The following IARS2 variants were observed in gnomAD, a reference collection of about 807,000 sequenced individuals.
IARS2 encodes the protein isoleucyl-tRNA synthetase 2, mitochondrial, also known as isoleucine--tRNA ligase, mitochondrial.
In IARS2, 56 loss-of-function variants were observed where a neutral mutation model predicts 126.3. The observed-to-expected ratio is 0.44, with a 90% CI of 0.36 to 0.55. The LOEUF (loss-of-function observed/expected upper bound fraction) is 0.55, where lower values mean the gene tolerates loss of function less well. Among genes scored for constraint, IARS2 ranks in the 20% least tolerant of loss-of-function variants. The pLI, the probability that IARS2 is intolerant of heterozygous loss-of-function variation, is 0.00. For missense variants in IARS2, 1,127 were observed against 1,245.9 expected (o/e 0.90, Z 1.44); for synonymous variants, 407 against 441.1 (o/e 0.92, Z 0.97).
At chr1:220,109,738 G>C (rs1656758845) in intron 10 of IARS2, among the ~76,000 whole-genome samples, 1 of 152,130 alleles carries the variant, frequency 6.6e-6, no homozygotes, top group Non-Finnish European at 1.5e-5. Context: ...GATTACATCT[G>C]CAGAGGCCTG....
intron 12 of IARS2, among the ~76,000 whole-genome samples, chr1:220,122,257 G>C (rs1054358103): frequency 2.0e-5 from 3 of 152,174 alleles, no homozygotes; most frequent in African/African-American, 4.8e-5. Context: ...TCAAAAAATA[G>C]TATGATTTAT....
chr1:220,126,434 G>A (rs1307200886), intron 13 of IARS2, among the ~76,000 whole-genome samples: 1 of 152,156 alleles, frequency 6.6e-6, no homozygotes, highest in Non-Finnish European at 1.5e-5. Flanking sequence ...TGGTACATCA[G>A]GCCTTTGTAG....
rs1656549554 is a variant in IARS2, at chr1:220,100,527, A to G, written c.428A>G (p.Asn143Ser). The change falls in exon 3 of 23, where the codon AAT becomes AGT. Residue 143 changes from asparagine to serine, a missense_variant. Coordinates refer to ENST00000366922, the MANE Select transcript of IARS2 (RefSeq NM_018060.4). ...KDIANRFHMM[N>S]GSKIHFVPGW... ...ATAGCCAATCGATTCCATATGATGAATGGCTCCAAAATACATTTTGTGCCC... is the reference window on the plus strand; with the variant it reads ...ATAGCCAATCGATTCCATATGATGAGTGGCTCCAAAATACATTTTGTGCCC... 6.2e-7 allele frequency: 1 copy of G among 1,612,988 alleles called. No homozygotes were observed. Among genetic ancestry groups the G allele is most frequent in the Middle Eastern group, 1.7e-4 (1 of 6,058 alleles).
rs1290150261 is a variant in IARS2 at position 220,103,508 on chromosome 1, G to A, written c.1012G>A (p.Ala338Thr). The A allele has an allele frequency of 6.2e-7, 1 of 1,613,470 alleles. No individual in the cohort carries two copies. Among genetic ancestry groups the A allele is most frequent in the East Asian group, 2.2e-5 (1 of 44,856 alleles). ...CTACGTACTGGCGGCAGATAAAGTA[G>A]CATCTGTTGCTTCTACTTTGGAAAC... ...DLYVLAADKV[A>T]SVASTLETTF... Residue 338 changes from alanine to threonine, a missense_variant, in exon 8 of 23, where the codon GCA (alanine) becomes ACA (threonine). Physicochemically the swap from Ala to Thr is moderately conservative, Grantham distance 58 (BLOSUM62 0). Transcript: ENST00000366922.
rs555821260 is a variant in IARS2, at chr1:220,103,134, G to A, written c.951-313G>A. On this transcript the variant is annotated intron_variant, in intron 7 of 22. Transcript: ENST00000366922. ...TGGCTCACCACAACCTCCACCTCCC[G>A]GGTTCAAGCAATTTTCCTGCCTCAG... Among the ~76,000 whole-genome samples the A allele has an allele frequency of 9.8e-4, 149 of 151,724 alleles. 2 individuals carry two copies. Among genetic ancestry groups the A allele is most frequent in the Middle Eastern group, 3.4e-3 (1 of 294 alleles).
intron 21 of IARS2, chr1:220,144,202 A>G (rs557901999): frequency 1.3e-4 from 104 of 780,702 alleles, no homozygotes; most frequent in Admixed American, 4.7e-4. Flanking sequence ...AGTGATTTCA[A>G]ATTTGCCAAT....
intron 12 of IARS2, among the ~76,000 whole-genome samples, chr1:220,121,416 T>C (rs889531962): frequency 6.6e-6 from 1 of 152,208 alleles, no homozygotes; most frequent in African/African-American, 2.4e-5. Flanking sequence ...TTAAAATGAA[T>C]TTTAGACTAG....
chr1:220,144,261 G>T, intron 21 of IARS2: 1 of 765,532 alleles, frequency 1.3e-6, no homozygotes, highest in African/African-American at 1.7e-5. Context: ...TGACTTTGGA[G>T]CACGGCCTAA....
At chr1:220,131,652 A>G (rs1022410872) in intron 14 of IARS2, among the ~76,000 whole-genome samples, 7 of 151,818 alleles carry the variant, frequency 4.6e-5, no homozygotes, top group Non-Finnish European at 7.4e-5. Flanking sequence ...CTGCCCAGCA[A>G]TTTTTATATT....
chr1:220,105,133 T>C (rs1656652600), intron 8 of IARS2, among the ~76,000 whole-genome samples: 2 of 152,226 alleles, frequency 1.3e-5, no homozygotes, highest in South Asian at 4.1e-4. Flanking sequence ...TCACACCCTC[T>C]CTCACTGTGT....
intron 18 of IARS2, among the ~76,000 whole-genome samples, chr1:220,139,598 A>G (rs1177695432): frequency 6.6e-6 from 1 of 152,134 alleles, no homozygotes; most frequent in Non-Finnish European, 1.5e-5. Context: ...AAAAATTTTA[A>G]AAATTAGCCA....
intron 17 of IARS2, 102 bp from the exon 18 acceptor site, chr1:220,138,906 C>T (rs1657434764): frequency 9.7e-7 from 1 of 1,031,272 alleles, no homozygotes; most frequent in Non-Finnish European, 1.4e-6. Flanking sequence ...AAAAATACCC[C>T]ACTAAGAAAA....
Position 220,116,916 on chromosome 1 carries a change from T to G in IARS2, c.1640+2442T>G, listed in dbSNP as rs546860228. ...CACGCGCCACTGACTTGGCTAATTCTTGTATTTTTAGTAGAGATGGGCTCT... is the reference window on the plus strand; with the variant it reads ...CACGCGCCACTGACTTGGCTAATTCGTGTATTTTTAGTAGAGATGGGCTCT... On this transcript the variant is annotated intron_variant, in intron 12 of 22. Coordinates refer to ENST00000366922, the MANE Select transcript of IARS2 (RefSeq NM_018060.4). 4.6e-5 allele frequency among the ~76,000 whole-genome samples: 7 copies of G among 151,902 alleles called. No homozygotes were observed. In the East Asian group the frequency reaches 1.4e-3, roughly 30 times the overall value.
intron 14 of IARS2, 55 bp from the exon 15 acceptor site, chr1:220,134,347 A>G: frequency 8.1e-7 from 1 of 1,233,320 alleles, no homozygotes; most frequent in South Asian, 1.5e-5. Context: ...TTCTTTTTCT[A>G]TTTTAATTAA....
At chr1:220,122,685 G>A (rs946042083) in intron 12 of IARS2, among the ~76,000 whole-genome samples, 9 of 152,002 alleles carry the variant, frequency 5.9e-5, no homozygotes, top group African/African-American at 2.4e-5. Flanking sequence ...AAAGTGCTTC[G>A]AAAAAGATAT....
chr1:220,136,259 G>A (rs564285243), intron 15 of IARS2, among the ~76,000 whole-genome samples: 1 of 152,252 alleles, frequency 6.6e-6, no homozygotes, highest in African/African-American at 2.4e-5. Context: ...AGCCTCCCAA[G>A]TATCTGGGAC....
chr1:220,107,515 A>T (rs530576784), intron 10 of IARS2, among the ~76,000 whole-genome samples: 10 of 152,312 alleles, frequency 6.6e-5, no homozygotes, highest in Admixed American at 4.6e-4. Context: ...GGCATGATTT[A>T]TGTATTAGAA....
At position 220,094,375 on chromosome 1, in the gene IARS2, G is replaced by T; in HGVS notation, c.159G>T (p.Pro53=). The change falls in exon 1 of 23, where the codon CCG becomes CCT. Residue 53 remains proline, a synonymous_variant. Coordinates refer to ENST00000366922, the MANE Select transcript of IARS2 (RefSeq NM_018060.4). ...RSVSGASNHQ[P]NSNSGRYRDT... ...TCTCCGGGGCCAGTAACCACCAGCC[G>T]AACTCGAATAGTGGCAGATACCGGG... 6.2e-7 allele frequency: 1 copy of T among 1,613,158 alleles called. No homozygotes were observed. Among genetic ancestry groups the T allele is most frequent in the South Asian group, 1.1e-5 (1 of 91,068 alleles).
intron 15 of IARS2, among the ~76,000 whole-genome samples, chr1:220,135,960 T>A (rs1206538141): frequency 6.6e-6 from 1 of 152,120 alleles, no homozygotes; most frequent in Non-Finnish European, 1.5e-5. Flanking sequence ...TGGCAACCAC[T>A]GATCTCCTTG....
Sources: allele counts gnomAD v4.1 joint callset (sites outside exome capture counted in the v4.1 genomes callset), GRCh38; gene constraint gnomAD v4.1.1; transcripts MANE v1.5; gene names NCBI Gene and HGNC (gene_info 2026-07-23, HGNC 2026-07-21).